RCN3: variants seen among roughly 807,000 people sequenced by gnomAD.
The protein encoded by RCN3 is reticulocalbin-3.
Under a neutral mutation model 35.9 loss-of-function variants are expected in RCN3, and 41 were observed. The ratio of observed to expected loss-of-function variants is 1.14; its 90% CI spans 0.89 to 1.48. The LOEUF (loss-of-function observed/expected upper bound fraction) is 1.48, where lower values mean the gene tolerates loss of function less well. Ranked by LOEUF, RCN3 falls within the 40% of genes most tolerant of loss-of-function variation. The pLI is 0.00. For missense variants in RCN3, 451 were observed against 471.3 expected, an observed-to-expected ratio of 0.96 and a Z score of 0.40; for synonymous variants, 187 against 193.4, an observed-to-expected ratio of 0.97 and a Z score of 0.27.
At chr19:49,537,831 A>C (rs936133279) in intron 4 of RCN3, among the ~76,000 whole-genome samples, 1 of 144,722 alleles carries the variant, frequency 6.9e-6, no homozygotes, top group African/African-American at 2.6e-5. Flanking sequence ...TAGAGATGGG[A>C]TTTCACCATG....
intron 4 of RCN3, among the ~76,000 whole-genome samples, chr19:49,538,246 T>C (rs2080146422): frequency 6.7e-6 from 1 of 149,276 alleles, no homozygotes; most frequent in Non-Finnish European, 1.5e-5. Context: ...CACTGCAAGC[T>C]CTGCCTCCCG....
intron 5 of RCN3, among the ~76,000 whole-genome samples, chr19:49,539,976 G>A (rs1229256533): frequency 1.3e-5 from 2 of 152,050 alleles, no homozygotes; most frequent in African/African-American, 4.8e-5. Flanking sequence ...GCTCATCTTG[G>A]CCTCCCAAAG....
chr19:49,541,971 A>G (rs1297002524), intron 5 of RCN3, among the ~76,000 whole-genome samples: 2 of 150,322 alleles, frequency 1.3e-5, no homozygotes, highest in African/African-American at 4.9e-5. Context: ...CAAGAGCGAA[A>G]CTCCATCTTA....
chr19:49,530,726 C>T (rs1449550081), intron 2 of RCN3, among the ~76,000 whole-genome samples: 1 of 152,056 alleles, frequency 6.6e-6, no homozygotes, highest in East Asian at 1.9e-4. Flanking sequence ...GACCTCCTGA[C>T]CTCAGGTGAT....
rs1601222451 is a variant in RCN3 at position 49,543,385 on chromosome 19, C to T, written c.*172C>T. The T allele has an allele frequency of 1.6e-6, 1 of 621,378 alleles. No homozygotes were observed. The highest frequency in any genetic ancestry group is 2.7e-5 in the East Asian group (1 of 36,450). The allele number at this position is 621,378 out of a possible 1,614,324, so 38.5% of individuals were successfully genotyped here. On this transcript the variant is annotated 3_prime_UTR_variant, in exon 7 of 7. Transcript: ENST00000270645. ...GGGTCGGCTTCTGTCCCTGTCACAC[C>T]CCCAACCCCAGGGAGGGGCTGTCAT... is the stretch of plus-strand genomic sequence containing the variant.
chr19:49,530,359 T>C (rs2080102473), intron 2 of RCN3, among the ~76,000 whole-genome samples: 1 of 146,188 alleles, frequency 6.8e-6, no homozygotes, highest in Non-Finnish European at 1.5e-5. Flanking sequence ...TTAGTAGAGA[T>C]GGGGTTTCAC....
chr19:49,539,276 G>A, intron 5 of RCN3, 97 bp downstream of exon 5: 1 of 957,264 alleles, frequency 1.0e-6, no homozygotes, highest in Non-Finnish European at 1.6e-6. Flanking sequence ...CATCATCAGA[G>A]AACAGTGGCC....
In RCN3 at chr19:49,534,263, T is replaced by TG. The variant is rs1466247231; in HGVS notation, c.315dup (p.Ile106AspfsTer45). The TG allele has an allele frequency of 6.8e-7, 1 of 1,463,800 alleles. No individual in the cohort carries two copies. 90.7% of individuals were successfully genotyped at this position (1,463,800 alleles called of 1,614,324 possible). ...GGTGTCGCTGGCCGAGCTTCGCGCG[T>TG]GGATCGCGCACACGCAGCAGCGGCA... On this transcript the variant is annotated frameshift_variant, in exon 3 of 7. Coordinates refer to ENST00000270645, the MANE Select transcript of RCN3 (RefSeq NM_020650.3). LOFTEE classifies it high-confidence loss of function.
chr19:49,530,137 C>G (rs2080101275), intron 2 of RCN3, among the ~76,000 whole-genome samples: 1 of 151,594 alleles, frequency 6.6e-6, no homozygotes, highest in Non-Finnish European at 1.5e-5. Flanking sequence ...GTGAACGCCT[C>G]CACATCCAGC....
chr19:49,539,896 T>C (rs960218960), intron 5 of RCN3, among the ~76,000 whole-genome samples: 18 of 151,982 alleles, frequency 1.2e-4, no homozygotes, highest in Non-Finnish European at 2.4e-4. Context: ...CTAATTTTTG[T>C]ATTTTTAGTG....
chr19:49,543,267 C>T lies in RCN3; in HGVS notation c.*54C>T, dbSNP rs2080172727. 2.1e-6 allele frequency: 3 copies of T among 1,421,956 alleles called. No homozygotes were observed. Among genetic ancestry groups the T allele is most frequent in the Non-Finnish European group, 3.0e-6 (3 of 1,016,112 alleles). 88.1% of individuals were successfully genotyped at this position (1,421,956 alleles called of 1,614,324 possible). A position where few individuals can be genotyped will look rare whatever the true frequency, so the allele number is the denominator to read the frequency against. On this transcript the variant is annotated 3_prime_UTR_variant, in exon 7 of 7. Transcript: ENST00000270645. ...GCCCGCACAATGACCGGAGGAGGGG[C>T]CGCTGTGGTCTGGCCCCCTCCCTGT...
Position 49,537,132 on chromosome 19 carries a change from TG to T in RCN3, c.547del (p.Ala183ProfsTer6). On this transcript the variant is annotated frameshift_variant, in exon 4 of 7. Transcript: ENST00000270645. LOFTEE classifies it high-confidence loss of function. ...FRVADQDGDS[M>X]ATREELTAFL... ...GTGGCCGACCAGGATGGGGACTCGATGGCCACTCGAGAGGAGCTGACAGCCT... is the reference window on the plus strand; with the variant it reads ...GTGGCCGACCAGGATGGGGACTCGATGCCACTCGAGAGGAGCTGACAGCCT... 1 of 1,597,606 alleles carries T rather than the reference TG, an allele frequency of 6.3e-7. No individual in the cohort carries two copies. Among genetic ancestry groups the T allele is most frequent in the Admixed American group, 1.7e-5 (1 of 58,434 alleles).
chr19:49,534,939 C>A (rs895875514), intron 3 of RCN3, among the ~76,000 whole-genome samples: 1 of 152,126 alleles, frequency 6.6e-6, no homozygotes, highest in Admixed American at 6.6e-5. Flanking sequence ...CTTTCTGTCC[C>A]AAGTCCCAGC....
At chr19:49,530,450 G>A (rs73582451) in intron 2 of RCN3, among the ~76,000 whole-genome samples, 13,820 of 149,538 alleles carry the variant, frequency 0.092, 772 homozygotes, top group African/African-American at 0.15. Flanking sequence ...GAATTAATGC[G>A]TGAGCCACAG....
chr19:49,537,306 A>C, intron 4 of RCN3, 101 bp downstream of exon 4: 1 of 1,194,044 alleles, frequency 8.4e-7, no homozygotes, highest in East Asian at 2.8e-5. Context: ...GCAGGCAGTC[A>C]CCTGGTTCTC....
chr19:49,528,373 C>T (rs1219230948), intron 1 of RCN3, 94 bp from the exon 2 acceptor site: 2 of 1,235,042 alleles, frequency 1.6e-6, no homozygotes, highest in Non-Finnish European at 2.1e-6. Flanking sequence ...ACTCCCTGTC[C>T]TGTCCTAGGT....
intron 6 of RCN3, 39 bp from the exon 7 acceptor site, chr19:49,543,067 G>A (rs752549386): frequency 5.2e-6 from 8 of 1,536,876 alleles, no homozygotes; most frequent in Non-Finnish European, 7.2e-6. Flanking sequence ...TTGAAAGCAG[G>A]GCCGTGTTGT....
intron 4 of RCN3, among the ~76,000 whole-genome samples, chr19:49,537,456 C>T (rs1267545326): frequency 6.6e-6 from 1 of 152,056 alleles, no homozygotes; most frequent in Non-Finnish European, 1.5e-5. Flanking sequence ...GGGTCCAGGC[C>T]CCCAGCCTTC....
At chr19:49,535,859 A>AT (rs1555811302) in intron 3 of RCN3, among the ~76,000 whole-genome samples, 160 of 137,238 alleles carry the variant, frequency 1.2e-3, no homozygotes, top group African/African-American at 3.7e-3. Flanking sequence ...CAAAAAAAAA[A>AT]AAATATATAT....
Sources: gnomAD v4.1 joint callset for allele counts (sites outside exome capture counted in the v4.1 genomes callset) on GRCh38, gnomAD v4.1.1 for gene constraint, MANE v1.5 for transcripts, NCBI Gene and HGNC (gene_info 2026-07-23, HGNC 2026-07-21) for gene names.